Variants in LRRC4C observed in about 807,000 individuals in gnomAD.
LRRC4C encodes leucine-rich repeat-containing protein 4C.
A neutral mutation model predicts 33.6 loss-of-function variants in LRRC4C; 5 were observed. The observed-to-expected ratio is 0.15, with a 90% CI of 0.08 to 0.31. LRRC4C has a LOEUF of 0.31. LRRC4C is among the 10% of genes least tolerant of loss of function. The pLI, the probability that LRRC4C is intolerant of heterozygous loss-of-function variation, is 1.00. For missense variants in LRRC4C, 560 were observed against 796.7 expected, an observed-to-expected ratio of 0.70 and a Z score of 3.58; for synonymous variants, 329 against 302.0, an observed-to-expected ratio of 1.09 and a Z score of -0.93.
intron 2 of LRRC4C, among the ~76,000 whole-genome samples, chr11:40,815,961 T>C (rs1006037517): frequency 6.6e-6 from 1 of 152,198 alleles, no homozygotes; most frequent in Non-Finnish European, 1.5e-5. Flanking sequence ...GTAGTCAAAA[T>C]TATTTAATGC....
intron 2 of LRRC4C, among the ~76,000 whole-genome samples, chr11:40,735,126 A>G (rs1459466248): frequency 6.6e-6 from 1 of 152,106 alleles, no homozygotes; most frequent in Non-Finnish European, 1.5e-5. Context: ...CTAGAATTAC[A>G]TAATTAGCTT....
intron 3 of LRRC4C, among the ~76,000 whole-genome samples, chr11:40,438,554 T>G (rs185992276): frequency 1.4e-3 from 207 of 152,326 alleles, no homozygotes; most frequent in South Asian, 8.5e-3. Context: ...GTCTGGCTAA[T>G]AGTGGACCCT....
chr11:40,528,855 G>T (rs1956163669), intron 3 of LRRC4C, among the ~76,000 whole-genome samples: 1 of 152,042 alleles, frequency 6.6e-6, no homozygotes, highest in Non-Finnish European at 1.5e-5. Flanking sequence ...TGAACCTGAT[G>T]GACACTATGC....
chr11:40,277,633 C>A (rs1032002978), intron 4 of LRRC4C, among the ~76,000 whole-genome samples: 1 of 151,990 alleles, frequency 6.6e-6, no homozygotes, highest in Non-Finnish European at 1.5e-5. Context: ...TAGTATAAAA[C>A]CACTGGCTTG....
intron 3 of LRRC4C, among the ~76,000 whole-genome samples, chr11:40,367,975 T>C (rs1213234162): frequency 1.3e-5 from 2 of 152,150 alleles, no homozygotes; most frequent in African/African-American, 4.8e-5. Context: ...CAGATATTGA[T>C]TGAACTACAC....
intron 5 of LRRC4C, among the ~76,000 whole-genome samples, chr11:40,219,018 A>AT (rs1864210006): frequency 6.6e-6 from 1 of 152,092 alleles, no homozygotes; most frequent in Non-Finnish European, 1.5e-5. Flanking sequence ...TTCAAGATGC[A>AT]TTTTTTGACC....
chr11:40,395,582 C>G (rs1049008856), intron 3 of LRRC4C, among the ~76,000 whole-genome samples: 2 of 152,152 alleles, frequency 1.3e-5, no homozygotes, highest in Non-Finnish European at 2.9e-5. Context: ...GGTATACAGA[C>G]TTGAAGATAT....
intron 3 of LRRC4C, among the ~76,000 whole-genome samples, chr11:40,631,277 C>T (rs915332497): frequency 3.4e-4 from 51 of 152,066 alleles, no homozygotes; most frequent in Non-Finnish European, 8.8e-5. Flanking sequence ...TTGGCTGATG[C>T]CCACAAAAGT....
chr11:40,637,352 A>G (rs1373498546), intron 3 of LRRC4C, among the ~76,000 whole-genome samples: 2 of 152,264 alleles, frequency 1.3e-5, no homozygotes, highest in Non-Finnish European at 2.9e-5. Context: ...CGATAAGATC[A>G]AGTGACTAAG....
At chr11:41,286,444 C>A (rs1949830756) in intron 1 of LRRC4C, among the ~76,000 whole-genome samples, 1 of 152,058 alleles carries the variant, frequency 6.6e-6, no homozygotes, top group Non-Finnish European at 1.5e-5. Flanking sequence ...GAAAAAGTAA[C>A]CCAGCACAGA....
intron 3 of LRRC4C, among the ~76,000 whole-genome samples, chr11:40,347,318 C>T (rs2137055534): frequency 6.6e-6 from 1 of 152,306 alleles, no homozygotes; most frequent in African/African-American, 2.4e-5. Flanking sequence ...ACAATTTCCT[C>T]ACCTTTCTTA....
chr11:40,684,395 G>A (rs1215141600), intron 2 of LRRC4C, among the ~76,000 whole-genome samples: 1 of 151,912 alleles, frequency 6.6e-6, no homozygotes, highest in Non-Finnish European at 1.5e-5. Flanking sequence ...TAATGTTAGT[G>A]AACTGGAAGA....
chr11:41,035,830 C>A (rs1333851288), intron 1 of LRRC4C, among the ~76,000 whole-genome samples: 2 of 151,956 alleles, frequency 1.3e-5, no homozygotes, highest in East Asian at 1.9e-4. Flanking sequence ...ATAATGTAAT[C>A]TGTGCATGCT....
At chr11:41,015,134 C>T (rs1855487085) in intron 1 of LRRC4C, among the ~76,000 whole-genome samples, 1 of 152,054 alleles carries the variant, frequency 6.6e-6, no homozygotes, top group Admixed American at 6.6e-5. Context: ...TTTAAATGTA[C>T]TAATTTTTTT....
intron 2 of LRRC4C, among the ~76,000 whole-genome samples, chr11:40,665,948 A>G (rs535216603): frequency 6.6e-6 from 1 of 152,262 alleles, no homozygotes; most frequent in East Asian, 1.9e-4. Context: ...TGTTATTTAT[A>G]TATGTGTATA....
chr11:41,102,998 C>A (rs2135631929), intron 1 of LRRC4C, among the ~76,000 whole-genome samples: 1 of 151,708 alleles, frequency 6.6e-6, no homozygotes, highest in East Asian at 1.9e-4. Flanking sequence ...CCATCTCTAT[C>A]AAAGGTAAAA....
intron 1 of LRRC4C, among the ~76,000 whole-genome samples, chr11:41,113,103 AAATG>A (rs1941935076): frequency 6.6e-6 from 1 of 152,126 alleles, no homozygotes; most frequent in East Asian, 1.9e-4. Context: ...CTTTCAGAAT[AAATG>A]AATGTACATA....
At chr11:40,797,668 C>T (rs917985616) in intron 2 of LRRC4C, among the ~76,000 whole-genome samples, 2 of 152,060 alleles carry the variant, frequency 1.3e-5, no homozygotes, top group Non-Finnish European at 1.5e-5. Context: ...TTATACTGCT[C>T]TAAGAAGTTA....
chr11:40,431,611 A>C (rs1031574199), intron 3 of LRRC4C, among the ~76,000 whole-genome samples: 12 of 152,034 alleles, frequency 7.9e-5, no homozygotes, highest in African/African-American at 2.7e-4. Context: ...AAAAGTCCCC[A>C]AATATTAAAC....
Sources: allele counts gnomAD v4.1 joint callset (sites outside exome capture counted in the v4.1 genomes callset), GRCh38; gene constraint gnomAD v4.1.1; transcripts MANE v1.5; gene names NCBI Gene and HGNC (gene_info 2026-07-23, HGNC 2026-07-21).